DTD1: variants seen among roughly 807,000 people sequenced by gnomAD.
DTD1 encodes D-tyrosyl-tRNA deacylase 1 homolog.
In DTD1, 13 loss-of-function variants were observed where a neutral mutation model predicts 25.6. The ratio of observed to expected loss-of-function variants is 0.51; its 90% CI spans 0.33 to 0.81. The LOEUF (loss-of-function observed/expected upper bound fraction) is 0.81. DTD1 is among the 30% of genes least tolerant of loss of function. The pLI, the probability that DTD1 is intolerant of heterozygous loss-of-function variation, is 0.02. For synonymous variants in DTD1, 110 were observed against 103.6 expected (o/e 1.06, Z -0.37); for missense variants, 193 against 266.4 (o/e 0.72, Z 1.92).
intron 4 of DTD1, among the ~76,000 whole-genome samples, chr20:18,693,384 C>T (rs1475128053): frequency 4.0e-5 from 6 of 151,888 alleles, no homozygotes; most frequent in Non-Finnish European, 7.4e-5. Context: ...GGGCCAGGTG[C>T]GGTGGCTCAT....
intron 4 of DTD1, among the ~76,000 whole-genome samples, chr20:18,684,091 C>T (rs1202156417): frequency 1.3e-5 from 2 of 152,100 alleles, no homozygotes; most frequent in African/African-American, 4.8e-5. Context: ...AAGGGTTGCT[C>T]TTCTCTCCTA....
intron 4 of DTD1, among the ~76,000 whole-genome samples, chr20:18,705,192 A>C (rs1298639313): frequency 6.6e-6 from 1 of 152,198 alleles, no homozygotes; most frequent in Non-Finnish European, 1.5e-5. Context: ...CTTGAAGACT[A>C]GGAGTGCTGT....
At chr20:18,649,573 G>A (rs539117610) in intron 4 of DTD1, among the ~76,000 whole-genome samples, 2 of 151,868 alleles carry the variant, frequency 1.3e-5, no homozygotes, top group African/African-American at 2.4e-5. Context: ...TCCTGACCTC[G>A]TGATCCGCCC....
chr20:18,704,880 G>T (rs1383590412), intron 4 of DTD1, among the ~76,000 whole-genome samples: 1 of 152,150 alleles, frequency 6.6e-6, no homozygotes, highest in Non-Finnish European at 1.5e-5. Context: ...AAGCATACAG[G>T]TTCCTATTTT....
chr20:18,595,823 C>T (rs956785382), intron 2 of DTD1, among the ~76,000 whole-genome samples, 183 bp from the exon 3 acceptor site: 2 of 152,088 alleles, frequency 1.3e-5, no homozygotes, highest in African/African-American at 2.4e-5. Flanking sequence ...TATTCTGTAT[C>T]GCAGCTGAGG....
At chr20:18,616,487 G>A (rs923032974) in intron 3 of DTD1, among the ~76,000 whole-genome samples, 1 of 151,946 alleles carries the variant, frequency 6.6e-6, no homozygotes, top group African/African-American at 2.4e-5. Flanking sequence ...AATAACCATG[G>A]CCACCCTAAA....
chr20:18,646,240 G>A (rs2060849937), intron 4 of DTD1, among the ~76,000 whole-genome samples: 1 of 152,208 alleles, frequency 6.6e-6, no homozygotes, highest in South Asian at 2.1e-4. Context: ...TCTGTAGGTG[G>A]CTGAAATGCC....
At chr20:18,682,585 C>G (rs998503478) in intron 4 of DTD1, among the ~76,000 whole-genome samples, 9 of 152,202 alleles carry the variant, frequency 5.9e-5, no homozygotes, top group African/African-American at 2.2e-4. Context: ...CCTCCCTTAG[C>G]TGTCTGTAGT....
chr20:18,636,165 A>T (rs2060806830), intron 4 of DTD1, among the ~76,000 whole-genome samples: 1 of 152,210 alleles, frequency 6.6e-6, no homozygotes, highest in Admixed American at 6.5e-5. Flanking sequence ...AAAAAAAACG[A>T]ACTCCTTACC....
chr20:18,718,446 T>G (rs1207588372), intron 4 of DTD1, among the ~76,000 whole-genome samples: 1 of 152,060 alleles, frequency 6.6e-6, no homozygotes, highest in Non-Finnish European at 1.5e-5. Flanking sequence ...GGAGGATGTA[T>G]GGGATAATGA....
At chr20:18,747,775 G>A (rs2061305834) in intron 5 of DTD1, among the ~76,000 whole-genome samples, 1 of 152,032 alleles carries the variant, frequency 6.6e-6, no homozygotes, top group Admixed American at 6.6e-5. Flanking sequence ...CACTTTGGGA[G>A]GCCCAGGCAG....
chr20:18,631,443 C>G, intron 4 of DTD1: 8 of 985,754 alleles, frequency 8.1e-6, no homozygotes, highest in Non-Finnish European at 8.4e-6. Context: ...CCTCTGTCCT[C>G]TTGTTGGTTC....
chr20:18,720,612 T>C (rs2061198583), intron 4 of DTD1, among the ~76,000 whole-genome samples: 1 of 152,208 alleles, frequency 6.6e-6, no homozygotes, highest in African/African-American at 2.4e-5. Flanking sequence ...ACTAGCACTT[T>C]GGGAGGCTAA....
At chr20:18,588,714 A>G (rs567253860) in intron 1 of DTD1, 1 of 985,006 alleles carries the variant, frequency 1.0e-6, no homozygotes, top group Non-Finnish European at 1.2e-6. Flanking sequence ...CGCCCGCTGA[A>G]CTCTGCGCGG....
chr20:18,639,154 A>G (rs908061424), intron 4 of DTD1, among the ~76,000 whole-genome samples: 16 of 147,674 alleles, frequency 1.1e-4, no homozygotes, highest in Non-Finnish European at 2.1e-4. Flanking sequence ...CACAAAAGCC[A>G]GAACTTGTTT....
Position 18,749,357 on chromosome 20 carries a change from G to T in DTD1, c.*19+5086G>T, listed in dbSNP as rs2061313302. Among the ~76,000 whole-genome samples, 1 of 152,164 alleles carries T rather than the reference G, an allele frequency of 6.6e-6. No individual in the cohort carries two copies. The highest frequency in any genetic ancestry group is 1.5e-5 in the Non-Finnish European group (1 of 68,014). ...CGTGGGGTGGGGAAGGCTCCAGAGGGTGTTCTCTGCCTGGTGGAGGGTGTG... is the reference window on the plus strand; with the variant it reads ...CGTGGGGTGGGGAAGGCTCCAGAGGTTGTTCTCTGCCTGGTGGAGGGTGTG... On this transcript the variant is annotated intron_variant, in intron 5 of 5. Transcript: ENST00000377452. The surrounding 1 kb of genome is among the most constrained non-coding windows in gnomAD (Gnocchi z 4.2).
At chr20:18,629,906 C>T (rs958755689) in intron 4 of DTD1, among the ~76,000 whole-genome samples, 2 of 151,946 alleles carry the variant, frequency 1.3e-5, no homozygotes, top group Admixed American at 1.3e-4. Flanking sequence ...CTCACTGTCA[C>T]GAGAACAGCA....
chr20:18,727,202 A>T (rs2061225493), intron 4 of DTD1, among the ~76,000 whole-genome samples: 2 of 152,192 alleles, frequency 1.3e-5, no homozygotes, highest in Admixed American at 1.3e-4. Context: ...GCATGACAGA[A>T]TGTGGATTCC....
chr20:18,704,554 T>C (rs2061118526), intron 4 of DTD1, among the ~76,000 whole-genome samples: 3 of 152,172 alleles, frequency 2.0e-5, no homozygotes, highest in African/African-American at 7.2e-5. Flanking sequence ...AGAAATTTTG[T>C]TGTTGTCACT....
Sources: allele counts gnomAD v4.1 joint callset (sites outside exome capture counted in the v4.1 genomes callset), GRCh38; gene constraint gnomAD v4.1.1; non-coding constraint Gnocchi (gnomAD v3.1); transcripts MANE v1.5; gene names NCBI Gene and HGNC (gene_info 2026-07-23, HGNC 2026-07-21).